ANO1: variants seen among roughly 807,000 people sequenced by gnomAD.
ANO1 encodes anoctamin-1.
ANO1 carries 59 observed loss-of-function variants against 124.0 expected under a neutral mutation model. The observed-to-expected ratio is 0.48, with a 90% CI of 0.39 to 0.59. ANO1 has a LOEUF of 0.59. ANO1 is among the 20% of genes least tolerant of loss of function. The pLI, the probability that ANO1 is intolerant of heterozygous loss-of-function variation, is 0.00. For synonymous variants in ANO1, 529 were observed against 532.0 expected, an observed-to-expected ratio of 0.99 and a Z score of 0.08; for missense variants, 1,059 against 1,328.0, an observed-to-expected ratio of 0.80 and a Z score of 3.15.
At position 70,143,409 on chromosome 11, in the gene ANO1, T is replaced by C. The variant is rs570711167; in HGVS notation, c.1259-6301T>C. On this transcript the variant is annotated intron_variant, in intron 11 of 25. Coordinates refer to ENST00000355303, the MANE Select transcript of ANO1 (RefSeq NM_018043.7). ...GGAAATTGGAGTGAAGCCTGAGTAG[T>C]AGAGACATTGGCATAAGTTGAGGCG... is the stretch of plus-strand genomic sequence containing the variant. 3.9e-5 allele frequency among the ~76,000 whole-genome samples: 6 copies of C among 152,156 alleles called. No homozygotes were observed. In the South Asian group the frequency reaches 1.0e-3, roughly 26 times the overall value.
rs778688162 is a variant in ANO1, at chr11:70,078,621, G to A, written c.15G>A (p.Glu5=). The A allele has an allele frequency of 1.3e-6, 2 of 1,495,460 alleles. No individual in the cohort carries two copies. The highest frequency in any genetic ancestry group is 3.0e-5 in the East Asian group (1 of 33,148). The allele number at this position is 1,495,460 out of a possible 1,614,324, so 92.6% of individuals were successfully genotyped here. A position where few individuals can be genotyped will look rare whatever the true frequency, so the allele number is the denominator to read the frequency against. The change falls in exon 1 of 26, where the codon GAG becomes GAA. Residue 5 remains glutamate (E), a synonymous_variant. Coordinates refer to ENST00000355303, the MANE Select transcript of ANO1 (RefSeq NM_018043.7). MRVN[E]KYSTLPAEDR... is the part of the protein sequence containing the mutation. ...AGGCGGCCACGATGAGGGTCAACGA[G>A]AAGTACTCGACGCTCCCGGCCGAGG... is the stretch of plus-strand genomic sequence containing the variant.
chr11:70,006,104 C>T (rs1250515187), intron 1 of ANO1, among the ~76,000 whole-genome samples: 5 of 152,270 alleles, frequency 3.3e-5, no homozygotes, highest in East Asian at 1.9e-4. Flanking sequence ...AGACACGCTC[C>T]GGTCCCTAAA....
At chr11:70,161,974 C>G (rs1485329774) in intron 18 of ANO1, among the ~76,000 whole-genome samples, 6 of 151,620 alleles carry the variant, frequency 4.0e-5, no homozygotes, top group Non-Finnish European at 8.8e-5. Context: ...GCAGTGAGGA[C>G]CGGGGAGTGA....
chr11:70,023,624 G>A (rs539016139), intron 1 of ANO1, among the ~76,000 whole-genome samples: 1 of 152,294 alleles, frequency 6.6e-6, no homozygotes, highest in South Asian at 2.1e-4. Context: ...TCCTGGTTTA[G>A]GAGTTGTAGC....
chr11:70,006,656 CTTCTTTCTTTTT>C (rs1179824141), intron 1 of ANO1, among the ~76,000 whole-genome samples: 7 of 76,732 alleles, frequency 9.1e-5, no homozygotes, highest in Non-Finnish European at 1.3e-4. Context: ...TTCTTTCTTT[CTTCTTTCTTTTT>C]TTTTTTTTTT....
At chr11:70,015,385 A>G (rs1288368592) in intron 1 of ANO1, among the ~76,000 whole-genome samples, 1 of 151,804 alleles carries the variant, frequency 6.6e-6, no homozygotes, top group Non-Finnish European at 1.5e-5. Flanking sequence ...CCTCAGGGGG[A>G]TATGATCCAG....
intron 2 of ANO1, among the ~76,000 whole-genome samples, chr11:70,097,412 C>T (rs2045036250): frequency 6.6e-6 from 1 of 152,214 alleles, no homozygotes; most frequent in Non-Finnish European, 1.5e-5. Flanking sequence ...TCTTCCTATG[C>T]AGTGTGGACG....
chr11:69,993,190 C>T (rs1565155813), intron 1 of ANO1, among the ~76,000 whole-genome samples: 1 of 152,152 alleles, frequency 6.6e-6, no homozygotes, highest in Admixed American at 6.5e-5. Context: ...CTTGTTTGCC[C>T]CTGGGTGTGG....
intron 1 of ANO1, among the ~76,000 whole-genome samples, chr11:69,986,707 G>C (rs1856050410): frequency 6.6e-6 from 1 of 152,174 alleles, no homozygotes; most frequent in African/African-American, 2.4e-5. Context: ...AGGCCGGAGG[G>C]GGAGTCCCTG....
the ANO1 span, among the ~76,000 whole-genome samples, chr11:69,976,579 C>A: frequency 3.7e-5 from 5 of 135,120 alleles, no homozygotes; most frequent in East Asian, 2.2e-4. Context: ...GATTAGGACA[C>A]ACACACAGAG....
At chr11:70,124,724 A>C (rs796667491) in intron 9 of ANO1, among the ~76,000 whole-genome samples, 9 of 152,114 alleles carry the variant, frequency 5.9e-5, no homozygotes, top group African/African-American at 1.4e-4. Context: ...CGTGGAGGGG[A>C]AGGAAAGAGC....
At chr11:70,023,229 T>C (rs1555002791) in intron 1 of ANO1, among the ~76,000 whole-genome samples, 1 of 152,210 alleles carries the variant, frequency 6.6e-6, no homozygotes, top group African/African-American at 2.4e-5. Context: ...GGGAAATGCA[T>C]GCCATGGCTC....
intron 1 of ANO1, among the ~76,000 whole-genome samples, chr11:70,028,043 C>T (rs182966377): frequency 2.2e-4 from 34 of 152,196 alleles, no homozygotes; most frequent in African/African-American, 7.0e-4. Context: ...CTTAGAAAAT[C>T]GATTTCAATA....
At chr11:70,065,856 C>G (rs1857703708) in intron 1 of ANO1, among the ~76,000 whole-genome samples, 1 of 152,196 alleles carries the variant, frequency 6.6e-6, no homozygotes, top group Admixed American at 6.5e-5. Context: ...GCTCAGATGT[C>G]ACTTCCCCGG....
intron 1 of ANO1, among the ~76,000 whole-genome samples, chr11:70,055,015 A>T (rs959251606): frequency 6.6e-6 from 1 of 152,212 alleles, no homozygotes; most frequent in East Asian, 1.9e-4. Context: ...TTTGTTTTAT[A>T]GATAAGTTAG....
In ANO1 at chr11:70,104,055, G is replaced by A; in HGVS notation, c.597G>A (p.Gln199=). 6.2e-7 allele frequency: 1 copy of A among 1,612,644 alleles called. No homozygotes were observed. Among genetic ancestry groups the A allele is most frequent in the Non-Finnish European group, 8.5e-7 (1 of 1,179,404 alleles). Residue 199 remains glutamine, a synonymous_variant, in exon 4 of 26, where the codon CAG becomes CAA. Transcript: ENST00000355303. ...TGAAAAAAATCAACTCTGTGCTCCA[G>A]AAAATCACAGATCCCATCCAGCCCA... is the stretch of plus-strand genomic sequence containing the variant. ...GLLKKINSVL[Q]KITDPIQPKV...
intron 1 of ANO1, among the ~76,000 whole-genome samples, chr11:70,067,720 G>T (rs1438930446): frequency 6.6e-6 from 1 of 152,128 alleles, no homozygotes; most frequent in Non-Finnish European, 1.5e-5. Context: ...CAGCCCCAAG[G>T]CCCTTCCCAG....
chr11:69,999,440 C>G (rs559515541), intron 1 of ANO1, among the ~76,000 whole-genome samples: 1 of 152,110 alleles, frequency 6.6e-6, no homozygotes, highest in South Asian at 2.1e-4. Context: ...GAGATTTGGG[C>G]GGGGACAATG....
chr11:70,087,917 G>T lies in ANO1; in HGVS notation c.274G>T (p.Ala92Ser). The stretch of plus-strand genomic sequence containing the variant: ...GCAGCACAGCGACACCCCCTCTGGG[G>T]CTCGCAGCGTCAAGCAGGACCACCC... Reference protein sequence around the residue: ...RVQHSDTPSGARSVKQDHPLP... With the variant: ...RVQHSDTPSGSRSVKQDHPLP... Residue 92 changes from alanine (A) to serine (S), a missense_variant, in exon 2 of 26, where the codon GCT (alanine) becomes TCT (serine). Around this residue, in one of 2 missense-constraint regions of ANO1, gnomAD observed 250 missense variants for 233.1 expected, o/e 1.07. Transcript: ENST00000355303. The T allele has an allele frequency of 1.9e-6, 3 of 1,609,446 alleles. No individual in the cohort carries two copies. Among genetic ancestry groups the T allele is most frequent in the Non-Finnish European group, 2.5e-6 (3 of 1,178,304 alleles).
Sources: allele counts gnomAD v4.1 joint callset (sites outside exome capture counted in the v4.1 genomes callset), GRCh38; gene constraint gnomAD v4.1.1; regional missense constraint gnomAD v4.1.1; transcripts MANE v1.5; gene names NCBI Gene and HGNC (gene_info 2026-07-23, HGNC 2026-07-21).